The following TRDN variants were observed in gnomAD, a reference collection of about 807,000 sequenced individuals.
TRDN encodes the protein triadin in skeletal muscle.
A neutral mutation model predicts 149.7 loss-of-function variants in TRDN; 161 were observed. The observed-to-expected ratio is 1.08, with a 90% CI of 0.95 to 1.23. The LOEUF (loss-of-function observed/expected upper bound fraction) is 1.23. Among genes scored for constraint, TRDN ranks in the 50% most tolerant of loss-of-function variants. The pLI is 0.00. For missense variants in TRDN, 896 were observed against 823.5 expected (o/e 1.09, Z -1.08); for synonymous variants, 294 against 250.5 (o/e 1.17, Z -1.64).
intron 1 of TRDN, among the ~76,000 whole-genome samples, chr6:123,596,829 AT>A (rs1475240462): frequency 1.3e-5 from 2 of 152,038 alleles, no homozygotes; most frequent in African/African-American, 4.8e-5. Flanking sequence ...CTCAGAAAAA[AT>A]ATATGTATAT....
intron 24 of TRDN, among the ~76,000 whole-genome samples, chr6:123,305,558 C>T (rs1194132935): frequency 6.6e-6 from 1 of 152,094 alleles, no homozygotes; most frequent in African/African-American, 2.4e-5. Context: ...ATATGAAACA[C>T]AGAAAGTTCA....
intron 12 of TRDN, among the ~76,000 whole-genome samples, chr6:123,417,067 G>A (rs1034095430): frequency 6.6e-6 from 1 of 152,138 alleles, no homozygotes; most frequent in Admixed American, 6.6e-5. Context: ...GTGAACAAAT[G>A]AATTAATGAA....
intron 4 of TRDN, among the ~76,000 whole-genome samples, chr6:123,543,083 C>T (rs1036108079): frequency 7.9e-5 from 12 of 151,968 alleles, no homozygotes; most frequent in Admixed American, 1.3e-4. Context: ...TATACAATGC[C>T]CCAACTATTC....
chr6:123,430,247 TAGAC>T, intron 12 of TRDN, among the ~76,000 whole-genome samples: 2 of 151,940 alleles, frequency 1.3e-5, no homozygotes, highest in Admixed American at 1.3e-4. Flanking sequence ...TAAAGCCAGG[TAGAC>T]AGAACAAGAC....
chr6:123,353,347 T>C lies in TRDN; in HGVS notation c.1322-761A>G, dbSNP rs142374611. ...AAAATACAACTTTAAAATGAAGAAA[T>C]GTGTCTGTAGCCAACTTAACCCACT... On this transcript the variant is annotated intron_variant, in intron 20 of 40. Transcript: ENST00000334268. Among the ~76,000 whole-genome samples the C allele has an allele frequency of 2.4e-3, 370 of 151,898 alleles. 2 individuals are homozygous for C. The highest frequency in any genetic ancestry group is 8.6e-3 in the African/African-American group (356 of 41,520).
intron 1 of TRDN, among the ~76,000 whole-genome samples, chr6:123,582,659 G>A (rs1189788151): frequency 6.6e-6 from 1 of 152,130 alleles, no homozygotes; most frequent in Non-Finnish European, 1.5e-5. Flanking sequence ...ATCAGTTAAG[G>A]CAGGAACCCG....
intron 39 of TRDN, among the ~76,000 whole-genome samples, chr6:123,223,404 A>G (rs1191641512): frequency 6.6e-6 from 1 of 151,760 alleles, no homozygotes; most frequent in African/African-American, 2.4e-5. Flanking sequence ...GTTTACCTAT[A>G]TAACAAACAT....
At chr6:123,281,461 T>A (rs1777582300) in intron 24 of TRDN, among the ~76,000 whole-genome samples, 1 of 152,054 alleles carries the variant, frequency 6.6e-6, no homozygotes, top group East Asian at 1.9e-4. Flanking sequence ...GGGACATAGC[T>A]ATGTGCTCTG....
rs539125516 is a variant in TRDN, at chr6:123,537,837, T to C, written c.425-7272A>G. Among the ~76,000 whole-genome samples, 31 of 152,338 alleles carry C rather than the reference T, an allele frequency of 2.0e-4. 1 individual carries two copies. Among genetic ancestry groups the C allele is most frequent in the African/African-American group, 7.0e-4 (29 of 41,586 alleles). On this transcript the variant is annotated intron_variant, in intron 4 of 40. Coordinates refer to ENST00000334268, the MANE Select transcript of TRDN (RefSeq NM_006073.4). ...GTAGTGACGTATTTCTAAATTGTTTTGTTATATTACATGTGTTTTGCTTAT... is the reference window on the plus strand; with the variant it reads ...GTAGTGACGTATTTCTAAATTGTTTCGTTATATTACATGTGTTTTGCTTAT...
intron 1 of TRDN, among the ~76,000 whole-genome samples, chr6:123,620,964 G>T (rs1785351666): frequency 6.6e-6 from 1 of 152,140 alleles, no homozygotes; most frequent in African/African-American, 2.4e-5. Context: ...GGACAGCAAG[G>T]TGCAGAACCT....
At chr6:123,609,212 A>T (rs547133302) in intron 1 of TRDN, among the ~76,000 whole-genome samples, 1 of 152,148 alleles carries the variant, frequency 6.6e-6, no homozygotes, top group Non-Finnish European at 1.5e-5. Flanking sequence ...AGTATTCAAC[A>T]AAAAAGGATC....
intron 11 of TRDN, 92 bp downstream of exon 11, chr6:123,438,852 G>A (rs1774726940): frequency 1.0e-6 from 1 of 980,092 alleles, no homozygotes; most frequent in Admixed American, 3.1e-5. Flanking sequence ...TTTATTAAGG[G>A]AATTTCTTTC....
At chr6:123,228,820 C>T (rs566505170) in intron 38 of TRDN, among the ~76,000 whole-genome samples, 121 of 151,978 alleles carry the variant, frequency 8.0e-4, no homozygotes, top group Admixed American at 1.4e-3. Flanking sequence ...GCCACACACA[C>T]ACTTGTGCAG....
intron 1 of TRDN, among the ~76,000 whole-genome samples, chr6:123,586,283 G>A (rs1783476885): frequency 2.0e-5 from 3 of 152,250 alleles, no homozygotes; most frequent in South Asian, 4.1e-4. Context: ...GATGATAAAA[G>A]GATTATAGGG....
chr6:123,389,416 C>G (rs1782025251), intron 13 of TRDN: 1 of 152,164 alleles, frequency 6.6e-6, no homozygotes, highest in African/African-American at 2.4e-5. Context: ...ACTTAGAAAA[C>G]ACTTAGAAAC....
At chr6:123,530,974 G>T in intron 4 of TRDN, among the ~76,000 whole-genome samples, 1 of 151,864 alleles carries the variant, frequency 6.6e-6, no homozygotes, top group East Asian at 1.9e-4. Flanking sequence ...TTTGTGAAAT[G>T]AACTGTAACA....
At chr6:123,444,111 A>G (rs1211753287) in intron 10 of TRDN, among the ~76,000 whole-genome samples, 1 of 146,138 alleles carries the variant, frequency 6.8e-6, no homozygotes, top group Non-Finnish European at 1.5e-5. Flanking sequence ...TACCTTGGGC[A>G]GTATGGCCAT....
chr6:123,499,719 A>AAAAAAAAAAAAAAAAAAAAAATATAT, intron 8 of TRDN, among the ~76,000 whole-genome samples: 1 of 47,684 alleles, frequency 2.1e-5, no homozygotes, highest in African/African-American at 7.1e-5. Flanking sequence ...AAAAAAAAAA[A>AAAAAAAAAAAAAAAAAAAAAATATAT]ATATATATAT....
chr6:123,489,634 C>A (rs963861166), intron 9 of TRDN: 8 of 152,054 alleles, frequency 5.3e-5, no homozygotes, highest in Non-Finnish European at 7.4e-5. Flanking sequence ...ACTTCATGAT[C>A]TTTTTTTTCT....
Sources: gnomAD v4.1 joint callset for allele counts (sites outside exome capture counted in the v4.1 genomes callset) on GRCh38, gnomAD v4.1.1 for gene constraint, MANE v1.5 for transcripts, NCBI Gene and HGNC (gene_info 2026-07-23, HGNC 2026-07-21) for gene names.